The following SLC35F1 variants were observed in gnomAD, a reference collection of about 807,000 sequenced individuals.
SLC35F1 encodes solute carrier family 35 member F1, also known as chromosome 6 open reading frame 169.
In SLC35F1, 14 loss-of-function variants were observed where a neutral mutation model predicts 48.7. The ratio of observed to expected loss-of-function variants is 0.29; its 90% CI spans 0.19 to 0.45. The LOEUF (loss-of-function observed/expected upper bound fraction) is 0.45. SLC35F1 is among the 20% of genes least tolerant of loss of function. The pLI is 1.00. For missense variants in SLC35F1, 404 were observed against 500.0 expected, an observed-to-expected ratio of 0.81 and a Z score of 1.83; for synonymous variants, 190 against 202.2, an observed-to-expected ratio of 0.94 and a Z score of 0.51.
intron 7 of SLC35F1, among the ~76,000 whole-genome samples, chr6:118,289,040 T>G (rs1381392494): frequency 6.6e-6 from 1 of 152,190 alleles, no homozygotes; most frequent in East Asian, 1.9e-4. Flanking sequence ...AATCACTAAT[T>G]TGTTCTCCAT....
At chr6:118,166,258 A>G (rs760659592) in intron 2 of SLC35F1, among the ~76,000 whole-genome samples, 7 of 152,166 alleles carry the variant, frequency 4.6e-5, no homozygotes, top group Non-Finnish European at 7.4e-5. Flanking sequence ...CTAGGGTATC[A>G]TTTGAGAAGG....
At chr6:117,943,307 A>C (rs1190117285) in intron 1 of SLC35F1, among the ~76,000 whole-genome samples, 1 of 152,224 alleles carries the variant, frequency 6.6e-6, no homozygotes, top group Non-Finnish European at 1.5e-5. Flanking sequence ...ATTAACTGCT[A>C]AGGTCTCCAA....
At chr6:118,213,355 C>A (rs974682384) in intron 2 of SLC35F1, among the ~76,000 whole-genome samples, 1 of 152,046 alleles carries the variant, frequency 6.6e-6, no homozygotes, top group Admixed American at 6.6e-5. Context: ...GGATGTGTCC[C>A]GTTTGTGTTA....
rs570104282 is a variant in SLC35F1, at chr6:118,000,193, A to T, written c.173+92294A>T. 4.6e-5 allele frequency among the ~76,000 whole-genome samples: 7 copies of T among 152,334 alleles called. No individual in the cohort carries two copies. The South Asian group carries it at 1.5e-3, about 32-fold the overall frequency. On this transcript the variant is annotated intron_variant, in intron 1 of 7. Coordinates refer to ENST00000360388, the MANE Select transcript of SLC35F1 (RefSeq NM_001029858.4). ...ATCCTTGATGAACATTGATGCAAAA[A>T]TCCTCAATAAAATACTGGCAAACGG... is the stretch of plus-strand genomic sequence containing the variant.
Position 118,278,503 on chromosome 6 carries a change from G to A in SLC35F1, c.847+957G>A, listed in dbSNP as rs543510462. Among the ~76,000 whole-genome samples, 3 of 152,284 alleles carry A rather than the reference G, an allele frequency of 2.0e-5. No homozygotes were observed. The South Asian group carries it at 6.2e-4, about 32-fold the overall frequency. ...AAGCATATGAGGCCAACTTACTGCA[G>A]ACATCATTCCCTCTGAAGGCACATT... On this transcript the variant is annotated intron_variant, in intron 6 of 7. Transcript: ENST00000360388.
intron 2 of SLC35F1, among the ~76,000 whole-genome samples, chr6:118,233,308 G>A (rs1775320215): frequency 6.6e-6 from 1 of 152,184 alleles, no homozygotes; most frequent in African/African-American, 2.4e-5. Context: ...TACGCAGTCA[G>A]GTTGAGAATC....
chr6:117,937,229 G>A (rs1367138541), intron 1 of SLC35F1, among the ~76,000 whole-genome samples: 1 of 152,084 alleles, frequency 6.6e-6, no homozygotes. Flanking sequence ...TGGAAGATTG[G>A]CATTCATTCC....
At chr6:117,941,235 C>A (rs1313552325) in intron 1 of SLC35F1, among the ~76,000 whole-genome samples, 1 of 152,064 alleles carries the variant, frequency 6.6e-6, no homozygotes, top group South Asian at 2.1e-4. Flanking sequence ...AGCTCTTGTA[C>A]CTCTTGAGAA....
chr6:117,929,406 A>C (rs1490313419), intron 1 of SLC35F1, among the ~76,000 whole-genome samples: 1 of 151,470 alleles, frequency 6.6e-6, no homozygotes, highest in South Asian at 2.1e-4. Context: ...TACTATATTT[A>C]TATGTAAGTA....
intron 2 of SLC35F1, among the ~76,000 whole-genome samples, chr6:118,190,683 C>G (rs1397871355): frequency 6.6e-6 from 1 of 152,094 alleles, no homozygotes; most frequent in African/African-American, 2.4e-5. Context: ...TGAGAGAATA[C>G]AGCGCACCAG....
rs150762848 is a variant in SLC35F1 at position 117,917,099 on chromosome 6, CCT to C, written c.173+9215_173+9216del. 5.7e-4 allele frequency among the ~76,000 whole-genome samples: 84 copies of C among 148,630 alleles called. 1 individual carries two copies. The highest frequency in any genetic ancestry group is 3.5e-3 in the Middle Eastern group (1 of 288). ...TGGTACTTCAATTTGGCTGGTCAGGCCTCTCTCTCTCTCTCTGATGACACTGA... is the reference window on the plus strand; with the variant it reads ...TGGTACTTCAATTTGGCTGGTCAGGCCTCTCTCTCTCTCTGATGACACTGA... On this transcript the variant is annotated intron_variant, in intron 1 of 7. Coordinates refer to ENST00000360388, the MANE Select transcript of SLC35F1 (RefSeq NM_001029858.4).
chr6:118,134,326 T>C (rs1383986275), intron 1 of SLC35F1, among the ~76,000 whole-genome samples: 3 of 152,192 alleles, frequency 2.0e-5, no homozygotes, highest in South Asian at 2.1e-4. Context: ...TTGCTTACTA[T>C]GAAATTCTCC....
At chr6:118,156,521 T>C (rs113925190) in intron 2 of SLC35F1, among the ~76,000 whole-genome samples, 2,026 of 151,998 alleles carry the variant, frequency 0.013, 21 homozygotes, top group South Asian at 0.034. Flanking sequence ...CCAGGGCCTG[T>C]TGGGGGTTGA....
intron 2 of SLC35F1, among the ~76,000 whole-genome samples, chr6:118,209,957 G>A (rs933611545): frequency 2.0e-5 from 3 of 152,174 alleles, no homozygotes; most frequent in African/African-American, 7.2e-5. Flanking sequence ...TTGTACGTTT[G>A]CTATTCTAAG....
rs146074563 is a variant in SLC35F1 at position 118,022,017 on chromosome 6, C to A, written c.173+114118C>A. Among the ~76,000 whole-genome samples, 1,109 of 152,154 alleles carry A rather than the reference C, an allele frequency of 7.3e-3. 12 individuals carry two copies. Among genetic ancestry groups the A allele is most frequent in the Middle Eastern group, 0.024 (7 of 294 alleles). ...TTCTGCCACATTTTGTTGGTCAGAG[C>A]AAATCAAAAGGCTACCCACATTCCA... On this transcript the variant is annotated intron_variant, in intron 1 of 7. Transcript: ENST00000360388.
intron 3 of SLC35F1, among the ~76,000 whole-genome samples, chr6:118,237,466 G>A (rs963434630): frequency 6.6e-6 from 1 of 152,002 alleles, no homozygotes. Context: ...ATGCCTCACT[G>A]CTGCCTCAAC....
intron 1 of SLC35F1, among the ~76,000 whole-genome samples, chr6:117,910,876 T>A (rs1775753280): frequency 6.6e-6 from 1 of 152,236 alleles, no homozygotes; most frequent in South Asian, 2.1e-4. Context: ...ATCTATATCC[T>A]GTCTACCCAG....
intron 1 of SLC35F1, among the ~76,000 whole-genome samples, chr6:118,048,729 G>C (rs1217502706): frequency 5.9e-5 from 9 of 152,176 alleles, no homozygotes; most frequent in Non-Finnish European, 1.3e-4. Flanking sequence ...CAAACAAATG[G>C]AAGAACATTC....
chr6:118,236,691 C>T (rs998513226), intron 3 of SLC35F1, among the ~76,000 whole-genome samples: 7 of 152,142 alleles, frequency 4.6e-5, no homozygotes, highest in African/African-American at 1.7e-4. Context: ...ACGTTGTGTT[C>T]CAAGAGCTTT....
Sources: allele counts gnomAD v4.1 joint callset (sites outside exome capture counted in the v4.1 genomes callset), GRCh38; gene constraint gnomAD v4.1.1; transcripts MANE v1.5; gene names NCBI Gene and HGNC (gene_info 2026-07-23, HGNC 2026-07-21).